Variants in NPL observed in about 807,000 individuals in gnomAD.
The protein encoded by NPL is N-acetylneuraminate pyruvate lyase.
In NPL, 32 loss-of-function variants were observed where a neutral mutation model predicts 41.1. The ratio of observed to expected loss-of-function variants is 0.78; its 90% CI spans 0.59 to 1.05. The LOEUF is 1.05. Among genes scored for constraint, NPL ranks in the 50% least tolerant of loss-of-function variants. The probability of loss-of-function intolerance (pLI) is 0.00; values close to 1 mark genes in which losing one functional copy is unlikely to be tolerated. For synonymous variants in NPL, 128 were observed against 134.9 expected (o/e 0.95, Z 0.35); for missense variants, 321 against 378.4 (o/e 0.85, Z 1.26).
At chr1:182,796,553 C>T (rs1666672698) in intron 3 of NPL, among the ~76,000 whole-genome samples, 1 of 152,146 alleles carries the variant, frequency 6.6e-6, no homozygotes, top group Non-Finnish European at 1.5e-5. Flanking sequence ...TCCCTATATC[C>T]TTTTTTCTTC....
At chr1:182,823,550 C>T (rs981615765) in intron 11 of NPL, among the ~76,000 whole-genome samples, 19 of 152,130 alleles carry the variant, frequency 1.2e-4, no homozygotes, top group African/African-American at 3.4e-4. Context: ...AACTAAACAT[C>T]GACAAGACTT....
At position 182,824,768 on chromosome 1, in the gene NPL, G is replaced by T. The variant is rs190003762; in HGVS notation, c.739-1013G>T. On this transcript the variant is annotated intron_variant, in intron 11 of 12. Coordinates refer to ENST00000367553, the MANE Select transcript of NPL (RefSeq NM_030769.3). ...GGCGAGATCATGCCACCGCACTCCA[G>T]CCTGGGTGACAGAGCGAGACTCTGT... Among the ~76,000 whole-genome samples the T allele has an allele frequency of 9.5e-4, 145 of 152,272 alleles. 1 individual carries two copies. The highest frequency in any genetic ancestry group is 3.2e-3 in the African/African-American group (133 of 41,546).
chr1:182,816,246 C>T (rs1317402125), intron 7 of NPL, among the ~76,000 whole-genome samples: 3 of 152,194 alleles, frequency 2.0e-5, no homozygotes, highest in African/African-American at 7.2e-5. Context: ...GGAATTCTTG[C>T]AAAATGTGCC....
intron 3 of NPL, among the ~76,000 whole-genome samples, chr1:182,799,482 G>T (rs751926073): frequency 5.9e-5 from 9 of 152,110 alleles, no homozygotes; most frequent in Admixed American, 2.0e-4. Context: ...ATGTGTATTT[G>T]TGAATAGAAA....
chr1:182,791,680 T>C (rs1485135617), intron 1 of NPL, among the ~76,000 whole-genome samples: 1 of 152,248 alleles, frequency 6.6e-6, no homozygotes, highest in Non-Finnish European at 1.5e-5. Context: ...CATATAAAAC[T>C]GCCAATTTGA....
chr1:182,825,757 T>G, intron 11 of NPL, 24 bp from the exon 12 acceptor site: 1 of 1,418,792 alleles, frequency 7.0e-7, no homozygotes, highest in Non-Finnish European at 9.8e-7. Context: ...TAATACTAAC[T>G]ATAGATATGT....
At position 182,828,169 on chromosome 1, in the gene NPL, T is replaced by C. The variant is rs957164620; in HGVS notation, c.779-555T>C. On this transcript the variant is annotated intron_variant, in intron 12 of 12. Coordinates refer to ENST00000367553, the MANE Select transcript of NPL (RefSeq NM_030769.3). The surrounding 1 kb of genome is among the most constrained non-coding windows in gnomAD (Gnocchi z 4.0). Reference sequence around the variant, plus strand: ...TGACTACCAGTTTTACATAGGTAGTTTAATTCCAGCTTCTCACCATGCATA... The same window carrying C: ...TGACTACCAGTTTTACATAGGTAGTCTAATTCCAGCTTCTCACCATGCATA... 2.0e-5 allele frequency among the ~76,000 whole-genome samples: 3 copies of C among 152,322 alleles called. No homozygotes were observed. The highest frequency in any genetic ancestry group is 6.5e-5 in the Admixed American group (1 of 15,306).
chr1:182,826,874 A>G (rs1389435378), intron 12 of NPL: 1 of 152,126 alleles, frequency 6.6e-6, no homozygotes, highest in Non-Finnish European at 1.5e-5. Flanking sequence ...ATAATACGAA[A>G]CCCTATATAT....
chr1:182,824,859 T>C (rs1226246664), intron 11 of NPL, among the ~76,000 whole-genome samples: 5 of 152,190 alleles, frequency 3.3e-5, no homozygotes, highest in Non-Finnish European at 5.9e-5. Flanking sequence ...AAAATCAGTT[T>C]GTCTGGAATC....
chr1:182,825,443 C>T (rs546413118), intron 11 of NPL, among the ~76,000 whole-genome samples: 1 of 152,290 alleles, frequency 6.6e-6, no homozygotes, highest in East Asian at 1.9e-4. Context: ...CTTATATGCA[C>T]CTGAGTTTGA....
chr1:182,829,134 G>T lies in NPL; in HGVS notation c.*226G>T. On this transcript the variant is annotated 3_prime_UTR_variant, in exon 13 of 13. Transcript: ENST00000367553. The stretch of plus-strand genomic sequence containing the variant: ...AGTCATTCATTTCACAGATTTTTTT[G>T]TGGAGAAATTTCTGTTTATATGGAT... The T allele has an allele frequency of 7.3e-7, 1 of 1,375,986 alleles. No individual in the cohort carries two copies. The allele number at this position is 1,375,986 out of a possible 1,614,324, so 85.2% of individuals were successfully genotyped here. A position where few individuals can be genotyped will look rare whatever the true frequency, so the allele number is the denominator to read the frequency against.
chr1:182,821,855 T>C (rs1051994894), intron 10 of NPL, among the ~76,000 whole-genome samples: 2 of 152,188 alleles, frequency 1.3e-5, no homozygotes, highest in African/African-American at 4.8e-5. Context: ...TCCTAACAAA[T>C]ACACCTCCAT....
rs1282477497 is a variant in NPL, at chr1:182,807,347, G to A, written c.230+1115G>A. The stretch of plus-strand genomic sequence containing the variant: ...TCTTAGGTGGAGGTAAAAGATTGGA[G>A]GTAAGTTCCAAGTGAGCAGAGGTTG... On this transcript the variant is annotated intron_variant, in intron 5 of 12. Transcript: ENST00000367553. 2.0e-5 allele frequency among the ~76,000 whole-genome samples: 3 copies of A among 152,234 alleles called. No homozygotes were observed. In the East Asian group the frequency reaches 5.8e-4, roughly 29 times the overall value.
chr1:182,811,308 A>C (rs1168526668), intron 5 of NPL, among the ~76,000 whole-genome samples: 1 of 151,738 alleles, frequency 6.6e-6, no homozygotes, highest in Non-Finnish European at 1.5e-5. Context: ...GGCTCACTGC[A>C]GCTTCCACCT....
rs1270909780 is a variant in NPL at position 182,809,608 on chromosome 1, G to A, written c.231-2548G>A. 2.0e-5 allele frequency among the ~76,000 whole-genome samples: 3 copies of A among 151,946 alleles called. No individual in the cohort carries two copies. In the East Asian group the frequency reaches 5.8e-4, roughly 29 times the overall value. ...TGGTGATATAGCCCCACACACAGGT[G>A]GAGAGAAGGAAGGATAAGGGAGTCT... On this transcript the variant is annotated intron_variant, in intron 5 of 12. Transcript: ENST00000367553.
chr1:182,823,987 A>G (rs189726656), intron 11 of NPL, among the ~76,000 whole-genome samples: 35 of 152,356 alleles, frequency 2.3e-4, no homozygotes, highest in African/African-American at 8.2e-4. Flanking sequence ...ATTTCAGTAA[A>G]GGTGGTTTCT....
rs994978327 is a variant in NPL at position 182,822,274 on chromosome 1, A to G, written c.738+75A>G. On this transcript the variant is annotated intron_variant, in intron 11 of 12. Coordinates refer to ENST00000367553, the MANE Select transcript of NPL (RefSeq NM_030769.3). ...CTTGAGGATTCTTTTTCTTCTCTCT[A>G]CCATGCCTGCCCTCATTAAAATTGC... 17 of 946,948 alleles carry G rather than the reference A, an allele frequency of 1.8e-5. No individual in the cohort carries two copies. The African/African-American group carries it at 2.1e-4, about 12-fold the overall frequency. The allele number at this position is 946,948 out of a possible 1,614,324, so 58.7% of individuals were successfully genotyped here. A position where few individuals can be genotyped will look rare whatever the true frequency, so the allele number is the denominator to read the frequency against.
Position 182,800,753 on chromosome 1 carries a change from C to T in NPL, c.69-2945C>T, listed in dbSNP as rs532336688. ...TTTTTTTTTTTTTTTTTTTTGAGACCGAGTCTCGCTCTGTCACCCAGGCTG... is the reference window on the plus strand; with the variant it reads ...TTTTTTTTTTTTTTTTTTTTGAGACTGAGTCTCGCTCTGTCACCCAGGCTG... On this transcript the variant is annotated intron_variant, in intron 3 of 12. Coordinates refer to ENST00000367553, the MANE Select transcript of NPL (RefSeq NM_030769.3). Among the ~76,000 whole-genome samples, 16 of 139,252 alleles carry T rather than the reference C, an allele frequency of 1.1e-4. No homozygotes were observed. The South Asian group carries it at 3.4e-3, about 30-fold the overall frequency. The allele number at this position is 139,252 out of a possible 152,430, so 91.4% of individuals were successfully genotyped here. A position where few individuals can be genotyped will look rare whatever the true frequency, so the allele number is the denominator to read the frequency against.
At chr1:182,806,610 G>A in intron 5 of NPL, 1 of 1,466,848 alleles carries the variant, frequency 6.8e-7, no homozygotes. Flanking sequence ...TCCCTTCTTG[G>A]GATGAGCGCC....
Sources: allele counts gnomAD v4.1 joint callset (sites outside exome capture counted in the v4.1 genomes callset), GRCh38; gene constraint gnomAD v4.1.1; non-coding constraint Gnocchi (gnomAD v3.1); transcripts MANE v1.5; gene names NCBI Gene and HGNC (gene_info 2026-07-23, HGNC 2026-07-21).